Variants in ADGRL3 observed in about 807,000 individuals in gnomAD.
The protein encoded by ADGRL3 is adhesion G protein-coupled receptor L3, also known as calcium-independent alpha-latrotoxin receptor 3.
A neutral mutation model predicts 153.5 loss-of-function variants in ADGRL3; 62 were observed. The ratio of observed to expected loss-of-function variants is 0.40; its 90% CI spans 0.33 to 0.50. The LOEUF is 0.50. Among genes scored for constraint, ADGRL3 ranks in the 20% least tolerant of loss-of-function variants. The pLI, the probability that ADGRL3 is intolerant of heterozygous loss-of-function variation, is 0.47. For synonymous variants in ADGRL3, 710 were observed against 672.5 expected (o/e 1.06, Z -0.86); for missense variants, 1,641 against 1,859.4 (o/e 0.88, Z 2.16).
chr4:61,431,755 A>G (rs1182046649), intron 2 of ADGRL3, among the ~76,000 whole-genome samples: 2 of 152,200 alleles, frequency 1.3e-5, no homozygotes, highest in East Asian at 3.9e-4. Flanking sequence ...GATGTCAATA[A>G]TAGTTTATAA....
At chr4:61,722,138 G>C (rs1050567607) in intron 6 of ADGRL3, among the ~76,000 whole-genome samples, 2 of 152,116 alleles carry the variant, frequency 1.3e-5, no homozygotes. Context: ...TTAAAATAAA[G>C]TAGTAAGTAA....
chr4:61,907,915 T>C (rs1448659033), intron 11 of ADGRL3, among the ~76,000 whole-genome samples: 1 of 152,152 alleles, frequency 6.6e-6, no homozygotes, highest in Non-Finnish European at 1.5e-5. Flanking sequence ...GGTCAGCAAG[T>C]CCCGGCCTTA....
chr4:61,887,031 A>AT (rs922915645), intron 9 of ADGRL3, among the ~76,000 whole-genome samples: 5 of 149,834 alleles, frequency 3.3e-5, no homozygotes, highest in African/African-American at 7.4e-5. Flanking sequence ...TTATTTATTT[A>AT]TTTTTTTATT....
chr4:61,837,370 G>C (rs908197415), intron 9 of ADGRL3, among the ~76,000 whole-genome samples: 3 of 152,092 alleles, frequency 2.0e-5, no homozygotes, highest in Non-Finnish European at 4.4e-5. Flanking sequence ...CTACACAAAG[G>C]CAATTAGAAT....
In ADGRL3 at chr4:61,676,837, G is replaced by A; in HGVS notation, c.485G>A (p.Arg162Lys). The change falls in exon 6 of 27, where the codon AGA (arginine) becomes AAA (lysine). Residue 162 changes from arginine to lysine, a missense_variant. Arg to Lys is a conservative substitution (Grantham distance 26, BLOSUM62 2). Coordinates refer to ENST00000683033, the MANE Select transcript of ADGRL3 (RefSeq NM_001387552.1). ...YKIMSQRCNN[R>K]TQCAVVAGPD... ...TCTTTTGACTTCAGATGCAATAACAGAACCCAGTGTGCAGTGGTGGCAGGT... is the reference window on the plus strand; with the variant it reads ...TCTTTTGACTTCAGATGCAATAACAAAACCCAGTGTGCAGTGGTGGCAGGT... 1 of 1,611,284 alleles carries A rather than the reference G, an allele frequency of 6.2e-7. No homozygotes were observed. The highest frequency in any genetic ancestry group is 8.5e-7 in the Non-Finnish European group (1 of 1,177,974).
At chr4:61,506,004 C>G (rs1195672633) in intron 3 of ADGRL3, among the ~76,000 whole-genome samples, 3 of 151,960 alleles carry the variant, frequency 2.0e-5, no homozygotes, top group Non-Finnish European at 2.9e-5. Flanking sequence ...CTGAAGTTTA[C>G]AGTATCATCT....
intron 24 of ADGRL3, among the ~76,000 whole-genome samples, chr4:62,041,996 ATT>A (rs1206618336): frequency 2.6e-5 from 4 of 152,036 alleles, no homozygotes; most frequent in Non-Finnish European, 4.4e-5. Context: ...AGTGTATAGT[ATT>A]ACCTACCTCA....
At chr4:61,729,603 A>AT (rs1459091215) in intron 6 of ADGRL3, among the ~76,000 whole-genome samples, 1 of 151,832 alleles carries the variant, frequency 6.6e-6, no homozygotes, top group Non-Finnish European at 1.5e-5. Context: ...GAAATCTGTG[A>AT]TTTTTTAAAG....
intron 17 of ADGRL3, among the ~76,000 whole-genome samples, chr4:61,969,225 T>A (rs958472838): frequency 6.6e-6 from 1 of 152,140 alleles, no homozygotes; most frequent in African/African-American, 2.4e-5. Context: ...TGATAATGAA[T>A]GTTTATTCTT....
At chr4:61,541,346 A>ATT (rs3075146) in intron 4 of ADGRL3, among the ~76,000 whole-genome samples, 1,307 of 103,310 alleles carry the variant, frequency 0.013, 24 homozygotes, top group East Asian at 0.02. Context: ...TCTGGTAGAG[A>ATT]TTTTTTTTTT....
At chr4:61,708,993 A>G (rs2095909423) in intron 6 of ADGRL3, among the ~76,000 whole-genome samples, 1 of 151,878 alleles carries the variant, frequency 6.6e-6, no homozygotes, top group Non-Finnish European at 1.5e-5. Context: ...TATTTTTAGT[A>G]GAGACAATGT....
At chr4:61,513,859 C>T (rs547183085) in intron 3 of ADGRL3, among the ~76,000 whole-genome samples, 32 of 152,128 alleles carry the variant, frequency 2.1e-4, no homozygotes, top group Non-Finnish European at 4.0e-4. Flanking sequence ...ATTATAGCTT[C>T]CTGCCTCAGA....
chr4:61,230,416 G>A (rs528009339), intron 1 of ADGRL3, among the ~76,000 whole-genome samples: 1 of 152,184 alleles, frequency 6.6e-6, no homozygotes, highest in South Asian at 2.1e-4. Context: ...TTCTGACTTA[G>A]TAATGTGGAG....
intron 23 of ADGRL3, among the ~76,000 whole-genome samples, chr4:62,036,648 A>G (rs987624171): frequency 1.4e-4 from 21 of 152,230 alleles, no homozygotes; most frequent in Non-Finnish European, 4.4e-5. Context: ...TTTAAAGCAC[A>G]TGTTCAAAAC....
intron 9 of ADGRL3, among the ~76,000 whole-genome samples, chr4:61,872,034 A>G (rs2098448461): frequency 6.6e-6 from 1 of 152,198 alleles, no homozygotes; most frequent in Admixed American, 6.5e-5. Flanking sequence ...TTATGAAGTG[A>G]GGAATTTTTG....
intron 2 of ADGRL3, among the ~76,000 whole-genome samples, chr4:61,458,788 C>A (rs2097780172): frequency 6.6e-6 from 1 of 150,784 alleles, no homozygotes; most frequent in African/African-American, 2.4e-5. Context: ...TTTTTGGAAC[C>A]CTGTTTTTCT....
At chr4:61,737,598 T>C (rs1197060920) in intron 8 of ADGRL3, among the ~76,000 whole-genome samples, 1 of 152,172 alleles carries the variant, frequency 6.6e-6, no homozygotes, top group Non-Finnish European at 1.5e-5. Flanking sequence ...AGAAGATTAT[T>C]GTTATATTTT....
intron 4 of ADGRL3, among the ~76,000 whole-genome samples, chr4:61,541,881 AT>A (rs2098692104): frequency 6.7e-6 from 1 of 149,770 alleles, no homozygotes; most frequent in Non-Finnish European, 1.5e-5. Context: ...ACACACTAGT[AT>A]TTCAGTAGCT....
intron 4 of ADGRL3, among the ~76,000 whole-genome samples, chr4:61,566,019 G>A (rs139198560): frequency 6.6e-6 from 1 of 152,212 alleles, no homozygotes; most frequent in Non-Finnish European, 1.5e-5. Context: ...AATTATAATC[G>A]ATTCAAGGAA....
Sources: allele counts gnomAD v4.1 joint callset (sites outside exome capture counted in the v4.1 genomes callset), GRCh38; gene constraint gnomAD v4.1.1; transcripts MANE v1.5; gene names NCBI Gene and HGNC (gene_info 2026-07-23, HGNC 2026-07-21).